The following MT3 variants were observed in gnomAD, a reference collection of about 807,000 sequenced individuals.
MT3 encodes metallothionein 3, also known as metallothionein-3.
Under a neutral mutation model 10.9 loss-of-function variants are expected in MT3, and 8 were observed. The observed-to-expected ratio is 0.73, with a 90% CI of 0.43 to 1.33. The LOEUF is 1.33. Among genes scored for constraint, MT3 ranks in the 40% most tolerant of loss-of-function variants. MT3 has a pLI of 0.01. For synonymous variants in MT3, 32 were observed against 29.9 expected (o/e 1.07, Z -0.23); for missense variants, 75 against 83.9 (o/e 0.89, Z 0.41).
chr16:56,589,621 G>C lies in MT3; in HGVS notation c.31G>C (p.Gly11Arg). 6.2e-7 allele frequency: 1 copy of C among 1,605,210 alleles called. No homozygotes were observed. The change falls in exon 1 of 3, where the codon GGT becomes CGT. Residue 11 changes from glycine to arginine, a missense_variant and splice_region_variant. Transcript: ENST00000200691. MDPETCPCPS[G>R]GSCTCADSCK... ...CCCTGAGACCTGCCCCTGCCCTTCTGGTGAGCCCCCGCCCCCGCTCGCATC... is the reference window on the plus strand; with the variant it reads ...CCCTGAGACCTGCCCCTGCCCTTCTCGTGAGCCCCCGCCCCCGCTCGCATC...
In MT3 at chr16:56,589,913, CA is replaced by C; in HGVS notation, c.78del (p.Lys26AsnfsTer82). On this transcript the variant is annotated frameshift_variant, in exon 2 of 3. Coordinates refer to ENST00000200691, the MANE Select transcript of MT3 (RefSeq NM_005954.4). LOFTEE classifies it high-confidence loss of function. Reference protein sequence around the residue: ...CADSCKCEGCKCTSCKKSCCS... With the variant: ...CADSCKCEGCXCTSCKKSCCS... ...CGGACTCCTGCAAGTGCGAGGGATG[CA>C]AATGCACCTCCTGCAAGAAGAGTGA... is the stretch of plus-strand genomic sequence containing the variant. 2.5e-6 allele frequency: 4 copies of C among 1,614,096 alleles called. No individual in the cohort carries two copies. The highest frequency in any genetic ancestry group is 3.4e-6 in the Non-Finnish European group (4 of 1,180,014).
intron 2 of MT3, 158 bp downstream of exon 2, chr16:56,590,093 C>A: frequency 1.3e-6 from 1 of 772,760 alleles, no homozygotes; most frequent in Non-Finnish European, 2.2e-6. Context: ...AATACAGATG[C>A]CCCTGCCCCA....
intron 2 of MT3, chr16:56,590,497 C>T: frequency 2.3e-6 from 1 of 430,918 alleles, no homozygotes; most frequent in Non-Finnish European, 4.2e-6. Context: ...CAAGTTTATC[C>T]TTTGAGGCCC....
intron 2 of MT3, 36 bp downstream of exon 2, chr16:56,589,971 C>T (rs778185585): frequency 6.2e-7 from 1 of 1,608,904 alleles, no homozygotes; most frequent in Non-Finnish European, 8.5e-7. Context: ...GCCGCCGCCC[C>T]CTCTGCTCTG....
chr16:56,589,839 T>C (rs752215428), intron 1 of MT3, 31 bp from the exon 2 acceptor site: 2 of 1,612,970 alleles, frequency 1.2e-6, no homozygotes, highest in East Asian at 4.5e-5. Context: ...TTCGTCCACA[T>C]TAACCCTTCC....
intron 2 of MT3, 85 bp from the exon 3 acceptor site, chr16:56,590,755 C>T: frequency 7.3e-7 from 1 of 1,367,096 alleles, no homozygotes; most frequent in South Asian, 1.3e-5. Context: ...GATGACTCCC[C>T]ACCCAGCACC....
chr16:56,589,704 A>T, intron 1 of MT3, 83 bp downstream of exon 1: 1 of 1,600,904 alleles, frequency 6.2e-7, no homozygotes, highest in Admixed American at 1.7e-5. Flanking sequence ...CCTTCGCTCA[A>T]GGACACTTGG....
At chr16:56,589,739 C>A in intron 1 of MT3, 118 bp downstream of exon 1, 1 of 1,580,092 alleles carries the variant, frequency 6.3e-7, no homozygotes, top group Non-Finnish European at 8.7e-7. Flanking sequence ...ATTCCCTATT[C>A]TTCACCTCGT....
rs754984330 is a variant in MT3, at chr16:56,589,553, A to G, written c.-38A>G. 54 of 1,540,794 alleles carry G rather than the reference A, an allele frequency of 3.5e-5. No individual in the cohort carries two copies. In the East Asian group the frequency reaches 1.2e-3, roughly 33 times the overall value. The stretch of plus-strand genomic sequence containing the variant: ...AAGCCGCGCGTCCAGTTGCTTGGAG[A>G]AGCCCGTTCACCGCCTCCAGCTGCT... On this transcript the variant is annotated 5_prime_UTR_variant, in exon 1 of 3. Transcript: ENST00000200691.
Position 56,590,879 on chromosome 16 carries a change from C to A in MT3, c.137C>A (p.Ala46Asp). The change falls in exon 3 of 3, where the codon GCC becomes GAC. Residue 46 changes from alanine (A) to aspartate (D), a missense_variant. Coordinates refer to ENST00000200691, the MANE Select transcript of MT3 (RefSeq NM_005954.4). ...TGCCCTGCGGAGTGTGAGAAGTGTG[C>A]CAAGGACTGTGTGTGCAAAGGCGGA... ...SCCPAECEKC[A>D]KDCVCKGGEA... 6.2e-7 allele frequency: 1 copy of A among 1,614,022 alleles called. No individual in the cohort carries two copies. The highest frequency in any genetic ancestry group is 8.5e-7 in the Non-Finnish European group (1 of 1,180,000).
chr16:56,590,900 G>GCCTC lies in MT3; in HGVS notation c.159_160insCTCC (p.Gly54LeufsTer6), dbSNP rs753702040. On this transcript the variant is annotated frameshift_variant, in exon 3 of 3. Transcript: ENST00000200691. LOFTEE classifies it high-confidence loss of function. ...TGTGCCAAGGACTGTGTGTGCAAAGGCGGAGAGGCAGCTGAGGCAGAAGCA... is the reference window on the plus strand; with the variant it reads ...TGTGCCAAGGACTGTGTGTGCAAAGGCCTCCGGAGAGGCAGCTGAGGCAGAAGCA... 6.2e-7 allele frequency: 1 copy of GCCTC among 1,614,076 alleles called. No individual in the cohort carries two copies. The highest frequency in any genetic ancestry group is 1.1e-5 in the South Asian group (1 of 91,070).
chr16:56,590,312 G>C (rs45570941), intron 2 of MT3: 55,554 of 590,326 alleles, frequency 0.094, 2,908 homozygotes, highest in Middle Eastern at 0.12. Context: ...CGGCCTTACG[G>C]ATCCTCTCAG....
Position 56,589,860 on chromosome 16 carries a change from C to CT in MT3, c.32-10_32-9insT. On this transcript the variant is annotated splice_polypyrimidine_tract_variant and intron_variant, in intron 1 of 2. Transcript: ENST00000200691. ...CACATTAACCCTTCCTGTGGCGTCGCCCTCTCTAGGTGGCTCCTGCACCTG... is the reference window on the plus strand; with the variant it reads ...CACATTAACCCTTCCTGTGGCGTCGCTCCTCTCTAGGTGGCTCCTGCACCTG... 2 of 1,614,058 alleles carry CT rather than the reference C, an allele frequency of 1.2e-6. No homozygotes were observed. Among genetic ancestry groups the CT allele is most frequent in the South Asian group, 2.2e-5 (2 of 91,082 alleles).
At chr16:56,590,318 C>A in intron 2 of MT3, 1 of 588,934 alleles carries the variant, frequency 1.7e-6, no homozygotes. Context: ...TACGGATCCT[C>A]TCAGTTTGAT....
In MT3 at chr16:56,589,624, G is replaced by T; in HGVS notation, c.31+3G>T. The T allele has an allele frequency of 6.2e-7, 1 of 1,605,324 alleles. No homozygotes were observed. On this transcript the variant is annotated splice_donor_region_variant and intron_variant, in intron 1 of 2. Transcript: ENST00000200691. The stretch of plus-strand genomic sequence containing the variant: ...TGAGACCTGCCCCTGCCCTTCTGGT[G>T]AGCCCCCGCCCCCGCTCGCATCCTG...
intron 2 of MT3, 181 bp downstream of exon 2, chr16:56,590,116 G>A: frequency 1.4e-6 from 1 of 727,024 alleles, no homozygotes; most frequent in Non-Finnish European, 2.5e-6. Context: ...CCCAGGAATT[G>A]ATGGCCTAGG....
In MT3 at chr16:56,589,671, T is replaced by C. The variant is rs745970001; in HGVS notation, c.31+50T>C. 5.6e-6 allele frequency: 9 copies of C among 1,605,020 alleles called. No homozygotes were observed. In the African/African-American group the frequency reaches 1.1e-4, roughly 19 times the overall value. On this transcript the variant is annotated intron_variant, in intron 1 of 2. Transcript: ENST00000200691. ...CCTGCGCACTGCGCGCCCTTGTACC[T>C]GCAAAGAAACCCACGCCCTGCGCCT...
In MT3 at chr16:56,589,634, C is replaced by A. The variant is rs1959796876; in HGVS notation, c.31+13C>A. On this transcript the variant is annotated intron_variant, in intron 1 of 2. Coordinates refer to ENST00000200691, the MANE Select transcript of MT3 (RefSeq NM_005954.4). ...CCCTGCCCTTCTGGTGAGCCCCCGC[C>A]CCCGCTCGCATCCTGCGCACTGCGC... The A allele has an allele frequency of 1.9e-6, 3 of 1,605,576 alleles. No homozygotes were observed. Among genetic ancestry groups the A allele is most frequent in the Admixed American group, 1.7e-5 (1 of 59,930 alleles).
intron 2 of MT3, 125 bp downstream of exon 2, chr16:56,590,060 A>G (rs748912215): frequency 9.4e-5 from 93 of 987,524 alleles, no homozygotes; most frequent in Non-Finnish European, 1.4e-4. Context: ...TTGCTGGAAT[A>G]GAACCACCCG....
Sources: gnomAD v4.1 joint callset for allele counts on GRCh38, gnomAD v4.1.1 for gene constraint, MANE v1.5 for transcripts, NCBI Gene and HGNC (gene_info 2026-07-23, HGNC 2026-07-21) for gene names.